Variants in PPFIA2 observed in about 807,000 individuals in gnomAD.
The protein encoded by PPFIA2 is liprin-alpha-2.
In PPFIA2, 46 loss-of-function variants were observed where a neutral mutation model predicts 175.5. The observed-to-expected ratio is 0.26, with a 90% CI of 0.21 to 0.34. The LOEUF (loss-of-function observed/expected upper bound fraction) is 0.34, where lower values mean the gene tolerates loss of function less well. PPFIA2 is among the 10% of genes least tolerant of loss of function. PPFIA2 has a pLI of 1.00. For missense variants in PPFIA2, 1,179 were observed against 1,506.1 expected, an observed-to-expected ratio of 0.78 and a Z score of 3.60; for synonymous variants, 568 against 511.4, an observed-to-expected ratio of 1.11 and a Z score of -1.49.
At chr12:81,748,106 T>C (rs2083286509) in intron 3 of PPFIA2, among the ~76,000 whole-genome samples, 1 of 144,442 alleles carries the variant, frequency 6.9e-6, no homozygotes, top group African/African-American at 2.4e-5. Flanking sequence ...ATCTTCTGAC[T>C]CAAGTCCAAA....
At chr12:81,466,804 T>G (rs2146134738) in intron 4 of PPFIA2, among the ~76,000 whole-genome samples, 2 of 151,418 alleles carry the variant, frequency 1.3e-5, no homozygotes, top group East Asian at 3.9e-4. Context: ...ACTGCATTGC[T>G]TCTGTGGGCC....
chr12:81,516,900 A>C (rs1310317203), intron 4 of PPFIA2, among the ~76,000 whole-genome samples: 1 of 152,202 alleles, frequency 6.6e-6, no homozygotes, highest in Non-Finnish European at 1.5e-5. Context: ...TGAACCAGAA[A>C]CACAGATAAC....
intron 5 of PPFIA2, among the ~76,000 whole-genome samples, chr12:81,449,041 T>C (rs1276322341): frequency 6.6e-6 from 1 of 152,228 alleles, no homozygotes; most frequent in Admixed American, 6.5e-5. Context: ...AATTTTCTGA[T>C]CCTCACTCTG....
intron 4 of PPFIA2, among the ~76,000 whole-genome samples, chr12:81,603,129 T>C (rs1030674942): frequency 6.6e-6 from 1 of 151,780 alleles, no homozygotes; most frequent in South Asian, 2.1e-4. Context: ...GAGGAAAAAA[T>C]TCAGTGACCA....
At chr12:81,343,288 G>T (rs554018692) in intron 19 of PPFIA2, among the ~76,000 whole-genome samples, 1 of 151,908 alleles carries the variant, frequency 6.6e-6, no homozygotes, top group African/African-American at 2.4e-5. Flanking sequence ...CTACATTTTC[G>T]TATAGAACCT....
chr12:81,460,359 C>T (rs542740908), intron 4 of PPFIA2, among the ~76,000 whole-genome samples: 1 of 152,180 alleles, frequency 6.6e-6, no homozygotes, highest in South Asian at 2.1e-4. Flanking sequence ...TGTGGCCTCC[C>T]CAGTAACGTG....
intron 30 of PPFIA2, among the ~76,000 whole-genome samples, chr12:81,263,720 C>T (rs532731365): frequency 3.9e-5 from 6 of 152,176 alleles, no homozygotes; most frequent in African/African-American, 1.2e-4. Flanking sequence ...TTTATGCCGA[C>T]GGGTTTTATG....
chr12:81,319,121 T>C (rs1594748788), intron 22 of PPFIA2, among the ~76,000 whole-genome samples: 1 of 151,770 alleles, frequency 6.6e-6, no homozygotes, highest in African/African-American at 2.4e-5. Context: ...CTGGCAGAAA[T>C]TATGGAGCCA....
At chr12:81,312,348 C>T (rs755616003) in intron 22 of PPFIA2, 18 of 611,108 alleles carry the variant, frequency 2.9e-5, no homozygotes, top group South Asian at 8.5e-5. Flanking sequence ...ATACTCACTG[C>T]GTCGAAAAGC....
chr12:81,485,986 T>C (rs1182628399), intron 4 of PPFIA2, among the ~76,000 whole-genome samples: 1 of 151,940 alleles, frequency 6.6e-6, no homozygotes, highest in Non-Finnish European at 1.5e-5. Flanking sequence ...TGAAAGAACA[T>C]TCCTATTTTG....
rs79195851 is a variant in PPFIA2, at chr12:81,440,497, T to C, written c.571-451A>G. Among the ~76,000 whole-genome samples the C allele has an allele frequency of 2.5e-4, 38 of 152,210 alleles. No homozygotes were observed. The East Asian group carries it at 5.6e-3, about 22-fold the overall frequency. ...GGTACTTAGTATCTAATTTCAAAAA[T>C]TATTTGCCTGAAGGAAAGGCCTTTT... On this transcript the variant is annotated intron_variant, in intron 6 of 32. Transcript: ENST00000549396.
At chr12:81,438,227 T>TG (rs1345863743) in intron 7 of PPFIA2, among the ~76,000 whole-genome samples, 2 of 152,162 alleles carry the variant, frequency 1.3e-5, no homozygotes, top group African/African-American at 4.8e-5. Context: ...CCCAGCACTT[T>TG]GGGAGGCCGA....
intron 4 of PPFIA2, chr12:81,465,322 G>C (rs998174581): frequency 1.3e-5 from 2 of 151,964 alleles, no homozygotes; most frequent in African/African-American, 2.4e-5. Context: ...ATGGTGAGTT[G>C]GAATTCAGCT....
chr12:81,539,039 G>T (rs539961799), intron 4 of PPFIA2, among the ~76,000 whole-genome samples: 1 of 152,074 alleles, frequency 6.6e-6, no homozygotes, highest in African/African-American at 2.4e-5. Flanking sequence ...AATGTGGTCA[G>T]ATTTCTGTAT....
intron 8 of PPFIA2, among the ~76,000 whole-genome samples, chr12:81,404,146 T>C (rs766430109): frequency 1.4e-4 from 21 of 152,070 alleles, no homozygotes; most frequent in Non-Finnish European, 2.8e-4. Flanking sequence ...TGTATGAGCA[T>C]TCCCTGCCCT....
intron 4 of PPFIA2, among the ~76,000 whole-genome samples, chr12:81,571,161 T>C (rs186110126): frequency 1.1e-3 from 171 of 152,244 alleles, no homozygotes; most frequent in Non-Finnish European, 2.0e-3. Flanking sequence ...TGGAGAATGA[T>C]TCCAGGATTG....
chr12:81,356,492 A>G (rs1187285865), intron 16 of PPFIA2, among the ~76,000 whole-genome samples: 1 of 151,936 alleles, frequency 6.6e-6, no homozygotes, highest in Non-Finnish European at 1.5e-5. Flanking sequence ...GTGAAATCCC[A>G]TCACTACAAA....
chr12:81,510,676 C>A (rs536446499), intron 4 of PPFIA2, among the ~76,000 whole-genome samples: 112 of 152,090 alleles, frequency 7.4e-4, no homozygotes, highest in Non-Finnish European at 1.3e-3. Context: ...TAAGAATAAC[C>A]CGTGGAATTT....
intron 5 of PPFIA2, among the ~76,000 whole-genome samples, chr12:81,450,518 C>A (rs1422158130): frequency 6.6e-6 from 1 of 151,906 alleles, no homozygotes. Flanking sequence ...TGTTTGAGTT[C>A]TTTGTAGATT....
Sources: allele counts gnomAD v4.1 joint callset (sites outside exome capture counted in the v4.1 genomes callset), GRCh38; gene constraint gnomAD v4.1.1; transcripts MANE v1.5; gene names NCBI Gene and HGNC (gene_info 2026-07-23, HGNC 2026-07-21).